The following CLPB variants were observed in gnomAD, a reference collection of about 807,000 sequenced individuals.
The protein encoded by CLPB is ClpB family mitochondrial disaggregase, also known as mitochondrial disaggregase.
In CLPB, 40 loss-of-function variants were observed where a neutral mutation model predicts 78.4. That is an observed-to-expected ratio of 0.51 (90% CI 0.40 to 0.66). The LOEUF is 0.66. CLPB is among the 30% of genes least tolerant of loss of function. The pLI is 0.00. For missense variants in CLPB, 780 were observed against 886.9 expected (o/e 0.88, Z 1.53); for synonymous variants, 333 against 348.0 (o/e 0.96, Z 0.48).
At chr11:72,426,425 C>T (rs1432186376) in intron 2 of CLPB, among the ~76,000 whole-genome samples, 2 of 152,148 alleles carry the variant, frequency 1.3e-5, no homozygotes, top group African/African-American at 4.8e-5. Flanking sequence ...AGCCCAGGAG[C>T]AGGACCACCT....
intron 3 of CLPB, among the ~76,000 whole-genome samples, chr11:72,388,497 C>T (rs540680272): frequency 6.3e-4 from 96 of 152,134 alleles, no homozygotes; most frequent in African/African-American, 2.0e-3. Context: ...GTGATCCGCC[C>T]GCTTCAGCCT....
chr11:72,292,100 G>C lies in CLPB; in HGVS notation c.*1267C>G, dbSNP rs1949462077. ...TGAGGTAGGGAGCAGCAGCCCCTGA[G>C]GGGTAGACAGTGATCCAAGCATCTG... On this transcript the variant is annotated 3_prime_UTR_variant, in exon 16 of 16. Coordinates refer to ENST00000538039, the MANE Select transcript of CLPB (RefSeq NM_001258392.3). The C allele has an allele frequency of 1.3e-5, 2 of 151,696 alleles. No homozygotes were observed. Among genetic ancestry groups the C allele is most frequent in the East Asian group, 3.9e-4 (2 of 5,156 alleles). 9.4% of individuals were successfully genotyped at this position (151,696 alleles called of 1,614,324 possible).
Position 72,329,601 on chromosome 11 carries a change from C to T in CLPB, c.873+106G>A, listed in dbSNP as rs76359286. The T allele has an allele frequency of 4.9e-3, 3,307 of 672,124 alleles. 64 individuals are homozygous for T. The East Asian group carries it at 0.054, about 11-fold the overall frequency. 41.6% of individuals were successfully genotyped at this position (672,124 alleles called of 1,614,324 possible). ...TCTGTATTTAAACAGATAATAATCA[C>T]CTAAGGAGAAGTGGCCTTTGGTGTA... On this transcript the variant is annotated intron_variant, in intron 6 of 15. Coordinates refer to ENST00000538039, the MANE Select transcript of CLPB (RefSeq NM_001258392.3).
At chr11:72,349,334 T>G (rs1269754621) in intron 5 of CLPB, among the ~76,000 whole-genome samples, 1 of 152,222 alleles carries the variant, frequency 6.6e-6, no homozygotes, top group Admixed American at 6.5e-5. Context: ...ATTTCTCAAG[T>G]GGCAAGCTCC....
chr11:72,311,089 C>T (rs2135517253), intron 7 of CLPB: 1 of 152,242 alleles, frequency 6.6e-6, no homozygotes, highest in South Asian at 2.1e-4. Context: ...TAAGCAATTC[C>T]AACTCTGGAT....
intron 6 of CLPB, among the ~76,000 whole-genome samples, chr11:72,321,009 G>A (rs955635137): frequency 1.3e-5 from 2 of 152,132 alleles, no homozygotes; most frequent in East Asian, 1.9e-4. Flanking sequence ...CACCGCTCCC[G>A]GCAATGATTG....
At position 72,286,570 on chromosome 11, in the gene CLPB, G is replaced by A. The variant is rs1949393020; in HGVS notation, c.*6797C>T. On this transcript the variant is annotated 3_prime_UTR_variant, in exon 16 of 16. Coordinates refer to ENST00000538039, the MANE Select transcript of CLPB (RefSeq NM_001258392.3). The stretch of plus-strand genomic sequence containing the variant: ...AGGCTCACTACAACCTCTGCCTCCA[G>A]GTTCAAGGGATTCCTGTGCCTCAGC... 1 of 152,064 alleles carries A rather than the reference G, an allele frequency of 6.6e-6. No individual in the cohort carries two copies. Among genetic ancestry groups the A allele is most frequent in the Admixed American group, 6.6e-5 (1 of 15,264 alleles). 9.4% of individuals were successfully genotyped at this position (152,064 alleles called of 1,614,324 possible). A position where few individuals can be genotyped will look rare whatever the true frequency, so the allele number is the denominator to read the frequency against.
intron 9 of CLPB, 95 bp downstream of exon 9, chr11:72,307,104 G>A (rs1331313923): frequency 2.6e-6 from 3 of 1,135,588 alleles, no homozygotes; most frequent in African/African-American, 1.5e-5. Flanking sequence ...CTTTTTGATT[G>A]CCTATTACTG....
At chr11:72,379,774 C>T (rs1854844192) in intron 4 of CLPB, among the ~76,000 whole-genome samples, 1 of 152,126 alleles carries the variant, frequency 6.6e-6, no homozygotes. Flanking sequence ...CTGCAATTTA[C>T]ATTTAGGAGG....
At chr11:72,426,747 T>C (rs553095065) in intron 2 of CLPB, among the ~76,000 whole-genome samples, 48 of 152,350 alleles carry the variant, frequency 3.2e-4, no homozygotes, top group Middle Eastern at 3.4e-3. Context: ...GAACACAACC[T>C]TGTCCCTGCC....
In CLPB at chr11:72,317,186, T is replaced by A. The variant is rs144712077; in HGVS notation, c.908A>T (p.Glu303Val). 5.0e-6 allele frequency: 8 copies of A among 1,611,970 alleles called. No homozygotes were observed. The East Asian group carries it at 1.8e-4, about 36-fold the overall frequency. Residue 303 changes from glutamate (E) to valine (V), a missense_variant, in exon 7 of 16, where the codon GAG becomes GTG. Physicochemically the swap from Glu to Val is moderately radical, Grantham distance 121. Transcript: ENST00000538039. The part of the protein sequence containing the change: ...QEKQRKREAE[E>V]RRRFPLEQRL... Reference sequence around the variant, plus strand: ...CTGCTCCAGGGGGAAGCGGCGCCGCTCCTCAGCCTCACGCTTCCGCTGCTT... The same window carrying A: ...CTGCTCCAGGGGGAAGCGGCGCCGCACCTCAGCCTCACGCTTCCGCTGCTT...
At chr11:72,410,866 T>C (rs1300947331) in intron 2 of CLPB, 1 of 152,262 alleles carries the variant, frequency 6.6e-6, no homozygotes, top group East Asian at 1.9e-4. Flanking sequence ...TCAAGCTTTC[T>C]CTTTCTGCTG....
intron 8 of CLPB, among the ~76,000 whole-genome samples, chr11:72,308,221 G>T (rs1405435141): frequency 6.6e-6 from 1 of 152,246 alleles, no homozygotes; most frequent in East Asian, 1.9e-4. Flanking sequence ...CGAAGGGGAG[G>T]CTCTGCGCAT....
intron 4 of CLPB, among the ~76,000 whole-genome samples, chr11:72,360,278 G>A (rs1950810458): frequency 6.6e-6 from 1 of 152,096 alleles, no homozygotes; most frequent in Non-Finnish European, 1.5e-5. Flanking sequence ...CTGGATAAAG[G>A]GGTACACTCA....
At chr11:72,302,119 T>C (rs1324569163) in intron 10 of CLPB, 155 bp from the exon 11 acceptor site, 2 of 985,498 alleles carry the variant, frequency 2.0e-6, no homozygotes, top group Non-Finnish European at 3.0e-6. Context: ...AGATAGATCT[T>C]CTCTATGTTT....
intron 9 of CLPB, among the ~76,000 whole-genome samples, chr11:72,306,480 C>G (rs1949747719): frequency 6.6e-6 from 1 of 152,210 alleles, no homozygotes; most frequent in Non-Finnish European, 1.5e-5. Flanking sequence ...TTTTTGCACT[C>G]TCTCCGAGGA....
intron 4 of CLPB, among the ~76,000 whole-genome samples, chr11:72,369,594 C>T (rs1220098291): frequency 6.6e-6 from 1 of 152,186 alleles, no homozygotes; most frequent in South Asian, 2.1e-4. Context: ...CTCTCCTCTG[C>T]CTTTTCTTCA....
intron 5 of CLPB, chr11:72,353,197 T>C (rs1221681927): frequency 6.6e-6 from 1 of 152,206 alleles, no homozygotes; most frequent in South Asian, 2.1e-4. Flanking sequence ...GGTGGGGAAT[T>C]TAAGGACTCA....
chr11:72,348,784 T>G (rs1363197382), intron 5 of CLPB, among the ~76,000 whole-genome samples: 2 of 151,086 alleles, frequency 1.3e-5, no homozygotes, highest in Non-Finnish European at 3.0e-5. Flanking sequence ...CTGTATCTTT[T>G]TCTCTTATTT....
Sources: allele counts gnomAD v4.1 joint callset (sites outside exome capture counted in the v4.1 genomes callset), GRCh38; gene constraint gnomAD v4.1.1; transcripts MANE v1.5; gene names NCBI Gene and HGNC (gene_info 2026-07-23, HGNC 2026-07-21).